Variants in COG3 observed in about 807,000 individuals in gnomAD.
COG3 encodes the protein component of oligomeric golgi complex 3, also known as conserved oligomeric Golgi complex subunit 3.
COG3 carries 32 observed loss-of-function variants against 114.1 expected under a neutral mutation model. The observed-to-expected ratio is 0.28, with a 90% CI of 0.21 to 0.38. The LOEUF is 0.38. Ranked by LOEUF, COG3 falls within the 10% of genes least tolerant of loss-of-function variation. The pLI is 1.00. For synonymous variants in COG3, 352 were observed against 365.7 expected (o/e 0.96, Z 0.43); for missense variants, 813 against 973.2 (o/e 0.84, Z 2.19).
intron 6 of COG3, 30 bp downstream of exon 6, chr13:45,482,503 A>G: frequency 1.9e-6 from 2 of 1,027,028 alleles, no homozygotes; most frequent in Non-Finnish European, 2.9e-6. Context: ...CATGTTTTAA[A>G]GAAATCCTTA....
chr13:45,514,242 C>A (rs1456798128), intron 16 of COG3, among the ~76,000 whole-genome samples: 3 of 142,904 alleles, frequency 2.1e-5, no homozygotes, highest in African/African-American at 8.0e-5. Flanking sequence ...CTCACTGCAA[C>A]CTCCACCTCC....
In COG3 at chr13:45,526,472, T is replaced by C. The variant is rs1281809484; in HGVS notation, c.2230+1421T>C. On this transcript the variant is annotated intron_variant, in intron 20 of 22. Transcript: ENST00000349995. ...ATAGCTATGTATCACTTAGGAAGATTTGTAAATGTAGAGAATGTCAGTTGT... is the reference window on the plus strand; with the variant it reads ...ATAGCTATGTATCACTTAGGAAGATCTGTAAATGTAGAGAATGTCAGTTGT... Among the ~76,000 whole-genome samples, 2 of 152,122 alleles carry C rather than the reference T, an allele frequency of 1.3e-5. 1 individual carries two copies. Among genetic ancestry groups the C allele is most frequent in the Middle Eastern group, 6.3e-3 (2 of 316 alleles).
rs565264563 is a variant in COG3 at position 45,533,047 on chromosome 13, G to C, written c.2458-1655G>C. On this transcript the variant is annotated intron_variant, in intron 22 of 22. Transcript: ENST00000349995. ...TCATGGTAACAGGAGGAGGCCGAGTGTATGGGCATGGATGGGGGCTGTGAA... is the reference window on the plus strand; with the variant it reads ...TCATGGTAACAGGAGGAGGCCGAGTCTATGGGCATGGATGGGGGCTGTGAA... Among the ~76,000 whole-genome samples the C allele has an allele frequency of 3.7e-4, 56 of 152,160 alleles. 1 individual carries two copies. Among genetic ancestry groups the C allele is most frequent in the Middle Eastern group, 3.4e-3 (1 of 294 alleles).
intron 14 of COG3, among the ~76,000 whole-genome samples, chr13:45,503,860 G>A (rs1043841189): frequency 6.6e-6 from 1 of 152,116 alleles, no homozygotes; most frequent in Non-Finnish European, 1.5e-5. Context: ...TGGACTTCTA[G>A]CTGGCATAGT....
chr13:45,481,760 TTC>T (rs1886261700), intron 5 of COG3, among the ~76,000 whole-genome samples: 1 of 152,138 alleles, frequency 6.6e-6, no homozygotes. Context: ...TAAATTATAT[TTC>T]TGTGTTTCTG....
intron 22 of COG3, chr13:45,531,400 A>T (rs1873153582): frequency 6.6e-6 from 1 of 152,398 alleles, no homozygotes; most frequent in African/African-American, 2.4e-5. Flanking sequence ...TATGGTAAGG[A>T]CTAGGAAATC....
intron 15 of COG3, among the ~76,000 whole-genome samples, chr13:45,511,283 A>G (rs1870833419): frequency 6.6e-6 from 1 of 152,062 alleles, no homozygotes; most frequent in Non-Finnish European, 1.5e-5. Context: ...GTCTTTGAAC[A>G]TTTATGTTAT....
chr13:45,502,534 A>G (rs896824097), intron 13 of COG3, among the ~76,000 whole-genome samples: 4 of 152,124 alleles, frequency 2.6e-5, no homozygotes, highest in African/African-American at 9.7e-5. Context: ...CCGTTTAGGA[A>G]TTAGCTGTAC....
chr13:45,513,269 T>TTATA (rs199833156), intron 16 of COG3, among the ~76,000 whole-genome samples: 1 of 36,462 alleles, frequency 2.7e-5, no homozygotes, highest in African/African-American at 1.4e-4. Context: ...TACATATAAA[T>TTATA]TATATATAAT....
At chr13:45,532,641 C>T (rs12867442) in intron 22 of COG3, among the ~76,000 whole-genome samples, 20,910 of 142,320 alleles carry the variant, frequency 0.15, 2,370 homozygotes, top group African/African-American at 0.33. Flanking sequence ...GTGATCTCGG[C>T]TCACTGCAAG....
Position 45,491,538 on chromosome 13 carries a change from G to C in COG3, c.1095G>C (p.Leu365Phe). The C allele has an allele frequency of 6.2e-7, 1 of 1,608,382 alleles. No homozygotes were observed. The highest frequency in any genetic ancestry group is 8.5e-7 in the Non-Finnish European group (1 of 1,178,042). The change falls in exon 10 of 23, where the codon TTG becomes TTC. Residue 365 changes from leucine (L) to phenylalanine (F), a missense_variant and splice_region_variant. Physicochemically the swap from Leu to Phe is conservative, Grantham distance 22 (BLOSUM62 0). Around this residue, in one of 2 missense-constraint regions of COG3, gnomAD observed 424 missense variants for 430.6 expected, o/e 0.98. Transcript: ENST00000349995. ...AAAATAATAGAGATCACTGTGCCTT[G>C]GTAAGTTTCTACTTGTTTTGGTTTA... ...TSQNNRDHCA[L>F]VRSGCAFMVH...
At chr13:45,480,076 T>A (rs766374249) in intron 3 of COG3, 49 bp from the exon 4 acceptor site, 1 of 1,496,858 alleles carries the variant, frequency 6.7e-7, no homozygotes, top group Non-Finnish European at 9.1e-7. Context: ...TTACTGTGCT[T>A]ATTGGGGGAA....
At chr13:45,491,292 G>T in intron 9 of COG3, 120 bp from the exon 10 acceptor site, 1 of 934,874 alleles carries the variant, frequency 1.1e-6, no homozygotes. Context: ...GTTAATGTGG[G>T]CAAATGAGAG....
chr13:45,492,187 A>G lies in COG3; in HGVS notation c.1124A>G (p.His375Arg), dbSNP rs560814065. The G allele has an allele frequency of 3.7e-6, 6 of 1,610,862 alleles. No individual in the cohort carries two copies. The highest frequency in any genetic ancestry group is 3.4e-5 in the Admixed American group (2 of 59,406). ...LVRSGCAFMV[H>R]VCQDEHQLYN... is the part of the protein sequence containing the mutation. Reference sequence around the variant, plus strand: ...CGTAGTGGCTGTGCCTTCATGGTTCATGTCTGCCAGGATGAACACCAACTT... The same window carrying G: ...CGTAGTGGCTGTGCCTTCATGGTTCGTGTCTGCCAGGATGAACACCAACTT... Residue 375 changes from histidine (H) to arginine (R), a missense_variant, in exon 11 of 23, where the codon CAT becomes CGT. Physicochemically the swap from His to Arg is conservative, Grantham distance 29 (BLOSUM62 0). Transcript: ENST00000349995.
chr13:45,479,117 C>T lies in COG3; in HGVS notation c.383+51C>T, dbSNP rs199878350. The T allele has an allele frequency of 1.9e-4, 235 of 1,251,770 alleles. 3 individuals carry two copies. In the Middle Eastern group the frequency reaches 5.1e-3, roughly 27 times the overall value. The allele number at this position is 1,251,770 out of a possible 1,614,324, so 77.5% of individuals were successfully genotyped here. On this transcript the variant is annotated intron_variant, in intron 3 of 22. Coordinates refer to ENST00000349995, the MANE Select transcript of COG3 (RefSeq NM_031431.4). Reference sequence around the variant, plus strand: ...AATATCTTAATTTTTAGATCACAGTCATCTGAAGCATTTCATAATCAGTGT... The same window carrying T: ...AATATCTTAATTTTTAGATCACAGTTATCTGAAGCATTTCATAATCAGTGT...
intron 1 of COG3, among the ~76,000 whole-genome samples, chr13:45,471,351 C>A (rs1885468998): frequency 6.6e-6 from 1 of 152,150 alleles, no homozygotes; most frequent in Non-Finnish European, 1.5e-5. Flanking sequence ...CCCTGGAAAT[C>A]AAGGCTGCAG....
At chr13:45,519,501 C>G (rs528328829) in intron 19 of COG3, among the ~76,000 whole-genome samples, 1 of 152,280 alleles carries the variant, frequency 6.6e-6, no homozygotes, top group Admixed American at 6.5e-5. Flanking sequence ...GTTTTACATG[C>G]CGTTTTTCTC....
intron 13 of COG3, among the ~76,000 whole-genome samples, chr13:45,502,754 G>A (rs1593717884): frequency 6.6e-6 from 1 of 152,008 alleles, no homozygotes; most frequent in East Asian, 1.9e-4. Flanking sequence ...TACCCAATAT[G>A]GAGTCTTTTA....
chr13:45,509,224 G>A (rs1870584760), intron 14 of COG3, among the ~76,000 whole-genome samples: 2 of 152,156 alleles, frequency 1.3e-5, no homozygotes, highest in South Asian at 4.1e-4. Context: ...ATTTTTAGTA[G>A]AGACGAGGTT....
Sources: allele counts gnomAD v4.1 joint callset (sites outside exome capture counted in the v4.1 genomes callset), GRCh38; gene constraint gnomAD v4.1.1; regional missense constraint gnomAD v4.1.1; transcripts MANE v1.5; gene names NCBI Gene and HGNC (gene_info 2026-07-23, HGNC 2026-07-21).